UBAC1: variants seen among roughly 807,000 people sequenced by gnomAD.
UBAC1 encodes ubiquitin-associated domain-containing protein 1.
A neutral mutation model predicts 45.9 loss-of-function variants in UBAC1; 27 were observed. The ratio of observed to expected loss-of-function variants is 0.59; its 90% CI spans 0.43 to 0.81. The LOEUF (loss-of-function observed/expected upper bound fraction) is 0.81, where lower values mean the gene tolerates loss of function less well. Among genes scored for constraint, UBAC1 ranks in the 30% least tolerant of loss-of-function variants. The pLI is 0.00. For missense variants in UBAC1, 529 were observed against 539.2 expected (o/e 0.98, Z 0.19); for synonymous variants, 227 against 215.5 (o/e 1.05, Z -0.47).
At chr9:135,957,565 C>A (rs527398018) in intron 1 of UBAC1, among the ~76,000 whole-genome samples, 1 of 152,100 alleles carries the variant, frequency 6.6e-6, no homozygotes, top group Admixed American at 6.5e-5. Flanking sequence ...AAAAAAGCCC[C>A]AACCAAGGCC....
At chr9:135,938,418 C>G in intron 8 of UBAC1, 58 bp from the exon 9 acceptor site, 3 of 1,579,226 alleles carry the variant, frequency 1.9e-6, no homozygotes, top group Non-Finnish European at 2.6e-6. Flanking sequence ...CCGCAAGACG[C>G]CACCAGCAGC....
chr9:135,935,915 A>T (rs1480769623), intron 9 of UBAC1, among the ~76,000 whole-genome samples: 1 of 151,252 alleles, frequency 6.6e-6, no homozygotes, highest in Non-Finnish European at 1.5e-5. Context: ...AGTCCCAGCT[A>T]CTCAGGAGGC....
intron 2 of UBAC1, among the ~76,000 whole-genome samples, chr9:135,954,757 T>C (rs1465450841): frequency 1.3e-5 from 2 of 152,148 alleles, no homozygotes; most frequent in Non-Finnish European, 2.9e-5. Context: ...ACGGTGCCCA[T>C]CCCCCACTGG....
At position 135,953,779 on chromosome 9, in the gene UBAC1, A is replaced by G. The variant is rs758637895; in HGVS notation, c.260-26T>C. On this transcript the variant is annotated intron_variant, in intron 2 of 9. Coordinates refer to ENST00000371756, the MANE Select transcript of UBAC1 (RefSeq NM_016172.3). The stretch of plus-strand genomic sequence containing the variant: ...CTAGAAAAAACAACACGTATATCCA[A>G]CACACTGGTTATCACTTCATATCCA... The G allele has an allele frequency of 3.4e-5, 54 of 1,600,028 alleles. No individual in the cohort carries two copies. In the Middle Eastern group the frequency reaches 1.8e-3, roughly 54 times the overall value.
chr9:135,941,154 C>A (rs975489987), intron 7 of UBAC1, among the ~76,000 whole-genome samples: 6 of 152,168 alleles, frequency 3.9e-5, no homozygotes, highest in African/African-American at 1.4e-4. Context: ...GCCTGTAATC[C>A]CAGCACTTTG....
chr9:135,942,854 G>A (rs1405130884), intron 7 of UBAC1, among the ~76,000 whole-genome samples: 1 of 152,048 alleles, frequency 6.6e-6, no homozygotes, highest in Non-Finnish European at 1.5e-5. Context: ...GTAGGGAGTG[G>A]GAACTGAGAC....
At chr9:135,960,902 G>C in intron 1 of UBAC1, 123 bp downstream of exon 1, 1 of 850,054 alleles carries the variant, frequency 1.2e-6, no homozygotes. Context: ...CGGAGGAGAG[G>C]GCCTGGGAGC....
intron 3 of UBAC1, among the ~76,000 whole-genome samples, chr9:135,950,021 G>A (rs112614991): frequency 4.6e-5 from 7 of 152,218 alleles, no homozygotes; most frequent in South Asian, 2.1e-4. Context: ...CCAGCTGGCC[G>A]CCAGCAAGAA....
chr9:135,951,962 A>G (rs2131091808), intron 3 of UBAC1, among the ~76,000 whole-genome samples: 1 of 152,356 alleles, frequency 6.6e-6, no homozygotes, highest in South Asian at 2.1e-4. Flanking sequence ...CTGTGGGGCA[A>G]CGGGTGTATG....
chr9:135,959,672 C>T (rs1245353007), intron 1 of UBAC1, among the ~76,000 whole-genome samples: 2 of 152,072 alleles, frequency 1.3e-5, no homozygotes, highest in Non-Finnish European at 2.9e-5. Context: ...CGTGCCCGGC[C>T]CAGAGAAGTT....
At chr9:135,937,417 G>A (rs1453035528) in intron 9 of UBAC1, among the ~76,000 whole-genome samples, 1 of 148,370 alleles carries the variant, frequency 6.7e-6, no homozygotes, top group Non-Finnish European at 1.5e-5. Context: ...CTCCAGCCTG[G>A]GTGACAAGGC....
chr9:135,937,225 C>T (rs973412269), intron 9 of UBAC1, among the ~76,000 whole-genome samples: 2 of 151,954 alleles, frequency 1.3e-5, no homozygotes, highest in Non-Finnish European at 1.5e-5. Context: ...AGGTGGATCA[C>T]GAGGTCAGGA....
chr9:135,952,275 C>A (rs932729077), intron 3 of UBAC1, among the ~76,000 whole-genome samples: 1 of 152,258 alleles, frequency 6.6e-6, no homozygotes, highest in African/African-American at 2.4e-5. Flanking sequence ...CAGGCATGGG[C>A]CTAGCCCAAA....
rs755614140 is a variant in UBAC1 at position 135,945,113 on chromosome 9, C to G, written c.791G>C (p.Ser264Thr). The G allele has an allele frequency of 8.7e-6, 14 of 1,614,128 alleles. No individual in the cohort carries two copies. In the Admixed American group the frequency reaches 1.8e-4, roughly 21 times the overall value. ...ATCTCTGGCCTCCTCATCGGTGGCG[C>G]TGGCTCCCGCGGCAGCCTCGGAGGC... Reference protein sequence around the residue: ...AAASEAAAGASATDEEARDEL... With the variant: ...AAASEAAAGATATDEEARDEL... Residue 264 changes from serine (S) to threonine (T), a missense_variant, in exon 7 of 10, where the codon AGC becomes ACC. Transcript: ENST00000371756.
intron 8 of UBAC1, 51 bp downstream of exon 8, chr9:135,939,622 C>T (rs1839244951): frequency 2.6e-6 from 4 of 1,566,830 alleles, no homozygotes; most frequent in Non-Finnish European, 3.5e-6. Context: ...TTACCACAGC[C>T]CACACTCACT....
At chr9:135,949,547 C>T (rs746903030) in intron 3 of UBAC1, among the ~76,000 whole-genome samples, 15 of 152,208 alleles carry the variant, frequency 9.9e-5, no homozygotes, top group Admixed American at 3.9e-4. Flanking sequence ...CAGGGAGGAG[C>T]GGCTCAGAGC....
chr9:135,945,093 T>C lies in UBAC1; in HGVS notation c.811A>G (p.Arg271Gly), dbSNP rs760739241. 39 of 1,579,304 alleles carry C rather than the reference T, an allele frequency of 2.5e-5. No individual in the cohort carries two copies. Among genetic ancestry groups the C allele is most frequent in the Middle Eastern group, 1.7e-4 (1 of 5,978 alleles). The change falls in exon 7 of 10, where the codon AGA (arginine) becomes GGA (glycine). Residue 271 changes from arginine to glycine, a missense_variant. Coordinates refer to ENST00000371756, the MANE Select transcript of UBAC1 (RefSeq NM_016172.3). ...AGASATDEEA[R>G]DELTEIFKKI... ...TTGAAGATTTCCGTCAGCTCATCTC[T>C]GGCCTCCTCATCGGTGGCGCTGGCT...
Position 135,933,426 on chromosome 9 carries a change from T to A in UBAC1, c.1192A>T (p.Ile398Phe), listed in dbSNP as rs1193894934. The A allele has an allele frequency of 1.2e-6, 2 of 1,614,092 alleles. No homozygotes were observed. The highest frequency in any genetic ancestry group is 3.3e-5 in the Admixed American group (2 of 60,026). ...TACGTGCGATTTAGTGTCTGGAAGA[T>A]TCTAGAGATCTGCAGCATGACAGGC... ...TGPVMLQISR[I>F]FQTLNRT Residue 398 changes from isoleucine to phenylalanine, a missense_variant, in exon 10 of 10, where the codon ATC becomes TTC. Coordinates refer to ENST00000371756, the MANE Select transcript of UBAC1 (RefSeq NM_016172.3).
At position 135,956,887 on chromosome 9, in the gene UBAC1, G is replaced by A. The variant is rs561403124; in HGVS notation, c.139-1472C>T. On this transcript the variant is annotated intron_variant, in intron 1 of 9. Coordinates refer to ENST00000371756, the MANE Select transcript of UBAC1 (RefSeq NM_016172.3). Reference sequence around the variant, plus strand: ...CCCTCACTGGGCACTTTCTAAACCCGGTAGCAGGCTCAGCCTGTGGGTCAG... The same window carrying A: ...CCCTCACTGGGCACTTTCTAAACCCAGTAGCAGGCTCAGCCTGTGGGTCAG... Among the ~76,000 whole-genome samples, 16 of 152,314 alleles carry A rather than the reference G, an allele frequency of 1.1e-4. No homozygotes were observed. In the East Asian group the frequency reaches 2.7e-3, roughly 26 times the overall value.
Sources: gnomAD v4.1 joint callset for allele counts (sites outside exome capture counted in the v4.1 genomes callset) on GRCh38, gnomAD v4.1.1 for gene constraint, MANE v1.5 for transcripts, NCBI Gene and HGNC (gene_info 2026-07-23, HGNC 2026-07-21) for gene names.